The following MID1 variants were observed in gnomAD, a reference collection of about 807,000 sequenced individuals.
MID1 encodes midline 1, also known as E3 ubiquitin-protein ligase Midline-1.
MID1 carries 7 observed loss-of-function variants against 40.4 expected under a neutral mutation model. The observed-to-expected ratio is 0.17, with a 90% CI of 0.10 to 0.33. The LOEUF is 0.33. Ranked by LOEUF, MID1 falls within the 10% of genes least tolerant of loss-of-function variation. The pLI, the probability that MID1 is intolerant of heterozygous loss-of-function variation, is 1.00. For synonymous variants in MID1, 229 were observed against 221.2 expected, an observed-to-expected ratio of 1.04 and a Z score of -0.31; for missense variants, 367 against 558.5, an observed-to-expected ratio of 0.66 and a Z score of 3.46.
intron 1 of MID1, among the ~76,000 whole-genome samples, chrX:10,805,540 T>C (rs1347295413): frequency 2.0e-5 from 2 of 101,051 alleles, no homozygotes; most frequent in Non-Finnish European, 4.0e-5. Context: ...TATGTGTGCA[T>C]GTGTCTTTAT....
At chrX:10,726,722 A>C (rs936516585) in intron 1 of MID1, among the ~76,000 whole-genome samples, 1 of 112,549 alleles carries the variant, frequency 8.9e-6, no homozygotes, top group African/African-American at 3.2e-5. Flanking sequence ...GTGGTATCAC[A>C]TGTTTCCAAC....
chrX:10,750,806 G>A (rs1377306480), intron 1 of MID1, among the ~76,000 whole-genome samples: 2 of 110,546 alleles, frequency 1.8e-5, no homozygotes, highest in African/African-American at 6.6e-5. Context: ...GCCCTGACTA[G>A]AGTAATCCAA....
rs761292922 is a variant in MID1 at position 10,474,574 on chromosome X, TTA to T, written c.1141+47_1141+48del. On this transcript the variant is annotated intron_variant, in intron 6 of 9. Coordinates refer to ENST00000317552, the MANE Select transcript of MID1 (RefSeq NM_000381.4). ...AATAACTGATCTGGTGGCAAAGTGT[TTA>T]TATCACTAAGTGTGCACAATATTAA... is the stretch of plus-strand genomic sequence containing the variant. The T allele has an allele frequency of 3.6e-4, 420 of 1,173,911 alleles. No homozygotes were observed. In the African/African-American group the frequency reaches 6.6e-3, roughly 18 times the overall value.
intron 1 of MID1, chrX:10,589,461 C>G (rs1054320995): frequency 9.0e-6 from 1 of 111,442 alleles, no homozygotes; most frequent in Non-Finnish European, 1.9e-5. Flanking sequence ...GTTCCCAAGA[C>G]CAGTTCCGTC....
At chrX:10,577,848 C>A (rs1934914585) in intron 1 of MID1, among the ~76,000 whole-genome samples, 1 of 108,311 alleles carries the variant, frequency 9.2e-6, no homozygotes, top group Non-Finnish European at 1.9e-5. Context: ...AAAAAAAGTC[C>A]TGCGCTGCAG....
chrX:10,746,846 T>A lies in MID1; in HGVS notation c.-187+86708A>T, dbSNP rs773597540. ...TTATAATATATATTATGTATATTAC[T>A]ATTATAAAGTAGCTTAAAAGCTACT... On this transcript the variant is annotated intron_variant, in intron 1 of 10. Coordinates refer to the MID1 transcript ENST00000380785. Among the ~76,000 whole-genome samples the A allele has an allele frequency of 4.7e-5, 5 of 107,391 alleles. No individual in the cohort carries two copies. The East Asian group carries it at 1.1e-3, about 24-fold the overall frequency. The allele number at this position is 107,391 out of a possible 115,157, so 93.3% of individuals were successfully genotyped here. A position where few individuals can be genotyped will look rare whatever the true frequency, so the allele number is the denominator to read the frequency against.
chrX:10,806,489 C>T (rs1467815595), intron 1 of MID1, among the ~76,000 whole-genome samples: 1 of 112,078 alleles, frequency 8.9e-6, no homozygotes, highest in African/African-American at 3.2e-5. Context: ...TAAGACAAGT[C>T]ATTGGTTTTC....
chrX:10,829,644 T>C (rs958447839), intron 1 of MID1, among the ~76,000 whole-genome samples: 7 of 111,968 alleles, frequency 6.3e-5, no homozygotes, highest in African/African-American at 2.3e-4. Context: ...AAAACGGAAA[T>C]GTACTTTTAC....
At chrX:10,750,770 G>A (rs905807757) in intron 1 of MID1, among the ~76,000 whole-genome samples, 3 of 111,697 alleles carry the variant, frequency 2.7e-5, no homozygotes, top group Admixed American at 9.5e-5. Flanking sequence ...ACGAAAATCT[G>A]AAGTTATAGA....
rs1165554563 is a variant in MID1 at position 10,447,747 on chromosome X, T to G, written c.*1621A>C. 1 of 111,870 alleles carries G rather than the reference T, an allele frequency of 8.9e-6. No homozygotes were observed. The highest frequency in any genetic ancestry group is 3.3e-5 in the African/African-American group (1 of 30,729). 9.2% of individuals were successfully genotyped at this position (111,870 alleles called of 1,213,427 possible). On this transcript the variant is annotated 3_prime_UTR_variant, in exon 10 of 10. Transcript: ENST00000317552. ...CCCAGGAAGCTGGCTTGGCCTCCCT[T>G]GAAATCCAGATTTGCAATCACATGA... is the stretch of plus-strand genomic sequence containing the variant.
chrX:10,738,481 C>CT (rs1053630340), intron 1 of MID1, among the ~76,000 whole-genome samples: 11 of 111,861 alleles, frequency 9.8e-5, no homozygotes, highest in African/African-American at 3.6e-4. Flanking sequence ...CGTCTGGGGT[C>CT]TTTTTTCTCT....
At chrX:10,782,363 G>T (rs915789266) in intron 1 of MID1, among the ~76,000 whole-genome samples, 2 of 111,761 alleles carry the variant, frequency 1.8e-5, no homozygotes, top group Non-Finnish European at 3.8e-5. Context: ...TCCCTGGCTT[G>T]GGCAGCATCC....
At chrX:10,669,236 A>T (rs1232111493) in intron 1 of MID1, among the ~76,000 whole-genome samples, 4 of 99,802 alleles carry the variant, frequency 4.0e-5, no homozygotes, top group East Asian at 5.9e-4. Flanking sequence ...AAAATAAAAA[A>T]AAAAAAAAAA....
chrX:10,461,159 A>ACAC (rs1340963133), intron 7 of MID1, among the ~76,000 whole-genome samples: 1 of 106,029 alleles, frequency 9.4e-6, no homozygotes, highest in Non-Finnish European at 1.9e-5. Flanking sequence ...ACACACACAC[A>ACAC]CACACACATA....
chrX:10,445,460 G>A (rs990373151), downstream of MID1: 1 of 112,538 alleles, frequency 8.9e-6, no homozygotes, highest in Non-Finnish European at 1.9e-5. Flanking sequence ...AAAGTAGTAT[G>A]AATAAATGGT....
intron 1 of MID1, among the ~76,000 whole-genome samples, chrX:10,786,616 C>T (rs2043885536): frequency 1.8e-5 from 2 of 110,883 alleles, no homozygotes; most frequent in African/African-American, 3.3e-5. Context: ...GGCCCATATA[C>T]ACCATGGAAT....
At chrX:10,684,701 G>A in intron 1 of MID1, among the ~76,000 whole-genome samples, 1 of 110,933 alleles carries the variant, frequency 9.0e-6, no homozygotes, top group East Asian at 2.8e-4. Flanking sequence ...GAGCCACCGC[G>A]CCCGGCCAAT....
At chrX:10,568,195 T>C (rs1934626016) in intron 1 of MID1, among the ~76,000 whole-genome samples, 1 of 111,992 alleles carries the variant, frequency 8.9e-6, no homozygotes, top group Admixed American at 9.5e-5. Context: ...GATGTCATTT[T>C]CCAAAATATA....
intron 8 of MID1, among the ~76,000 whole-genome samples, chrX:10,458,838 G>A (rs1928846118): frequency 9.0e-6 from 1 of 111,528 alleles, no homozygotes; most frequent in African/African-American, 3.3e-5. Flanking sequence ...TTGACTGCCT[G>A]GCAACCTCAC....
Sources: allele counts gnomAD v4.1 joint callset (sites outside exome capture counted in the v4.1 genomes callset), GRCh38; gene constraint gnomAD v4.1.1; transcripts MANE v1.5; gene names NCBI Gene and HGNC (gene_info 2026-07-23, HGNC 2026-07-21).